TBATA: variants seen among roughly 807,000 people sequenced by gnomAD.
TBATA encodes the protein thymus, brain and testes associated.
A neutral mutation model predicts 38.7 loss-of-function variants in TBATA; 47 were observed. The observed-to-expected ratio is 1.21, with a 90% CI of 0.96 to 1.55. TBATA has a LOEUF of 1.55. TBATA is among the 40% of genes most tolerant of loss of function. The probability of loss-of-function intolerance (pLI) is 0.00; values close to 1 mark genes in which losing one functional copy is unlikely to be tolerated. For synonymous variants in TBATA, 183 were observed against 170.5 expected (o/e 1.07, Z -0.57); for missense variants, 436 against 435.6 (o/e 1.00, Z -0.01).
chr10:70,780,397 C>T (rs1331906770), intron 4 of TBATA, among the ~76,000 whole-genome samples: 1 of 152,070 alleles, frequency 6.6e-6, no homozygotes, highest in Non-Finnish European at 1.5e-5. Context: ...CCTTTTGGTG[C>T]CAGGACTCCT....
chr10:70,777,557 C>A (rs1002453130), intron 6 of TBATA, among the ~76,000 whole-genome samples: 1 of 152,182 alleles, frequency 6.6e-6, no homozygotes, highest in South Asian at 2.1e-4. Flanking sequence ...CCGGCCCTCT[C>A]TCTGGCAGCT....
At chr10:70,783,632 A>T in intron 2 of TBATA, 107 bp from the exon 3 acceptor site, 1 of 443,690 alleles carries the variant, frequency 2.3e-6, no homozygotes, top group Non-Finnish European at 4.2e-6. Flanking sequence ...GATGTACAAC[A>T]GGGGCTACTT....
rs371816122 is a variant in TBATA at position 70,775,182 on chromosome 10, T to C, written c.775+7A>G. ...ACTGAGACAGTGCTGCGGGGCTGTG[T>C]CCTCACCCTTGGGCGGAGCGTAGAG... On this transcript the variant is annotated splice_region_variant and intron_variant, in intron 8 of 10. Coordinates refer to ENST00000456372, the MANE Select transcript of TBATA (RefSeq NM_001318241.2). The C allele has an allele frequency of 1.8e-4, 294 of 1,612,020 alleles. No homozygotes were observed. Among genetic ancestry groups the C allele is most frequent in the Non-Finnish European group, 2.4e-4 (283 of 1,178,356 alleles).
intron 3 of TBATA, chr10:70,782,729 A>G: frequency 1.2e-6 from 1 of 807,326 alleles, no homozygotes; most frequent in Non-Finnish European, 1.5e-6. Context: ...CTTCCTGAGG[A>G]CGCTATGCAT....
At chr10:70,785,098 C>T (rs902995122) in intron 1 of TBATA, among the ~76,000 whole-genome samples, 187 bp downstream of exon 1, 14 of 152,196 alleles carry the variant, frequency 9.2e-5, no homozygotes, top group Admixed American at 2.6e-4. Context: ...TTGTCCAGAG[C>T]GGGACAGGTG....
intron 10 of TBATA, among the ~76,000 whole-genome samples, chr10:70,771,796 A>C (rs1381181019): frequency 6.6e-6 from 1 of 151,862 alleles, no homozygotes; most frequent in Non-Finnish European, 1.5e-5. Flanking sequence ...GCCTGCTGCC[A>C]CCCCTGCCCC....
chr10:70,778,681 T>G, intron 5 of TBATA, 45 bp from the exon 6 acceptor site: 4 of 1,543,694 alleles, frequency 2.6e-6, no homozygotes, highest in South Asian at 1.1e-5. Flanking sequence ...TCAGGGGCCC[T>G]CCTCCCCTCC....
intron 7 of TBATA, 134 bp from the exon 8 acceptor site, chr10:70,775,404 TC>T: frequency 1.5e-6 from 1 of 675,844 alleles, no homozygotes. Context: ...CTAAACGTGT[TC>T]CCACAAGGGT....
At chr10:70,775,071 C>CGTGG (rs1843211569) in intron 8 of TBATA, 118 bp downstream of exon 8, 4 of 910,454 alleles carry the variant, frequency 4.4e-6, no homozygotes, top group Non-Finnish European at 5.1e-6. Context: ...GAGAGGCCTC[C>CGTGG]ATGGAAGGCC....
intron 9 of TBATA, among the ~76,000 whole-genome samples, chr10:70,773,532 C>T (rs1026563760): frequency 3.9e-5 from 6 of 152,064 alleles, no homozygotes; most frequent in Admixed American, 2.6e-4. Context: ...AACAAGCTCC[C>T]GGGGAGAATC....
intron 5 of TBATA, 162 bp from the exon 6 acceptor site, chr10:70,778,798 A>T: frequency 6.1e-6 from 4 of 660,650 alleles, no homozygotes; most frequent in Non-Finnish European, 5.5e-6. Flanking sequence ...AAGGATCTGG[A>T]TTCACACCAT....
rs967876759 is a variant in TBATA at position 70,782,731 on chromosome 10, G to A, written c.41+608C>T. 3.9e-6 allele frequency: 3 copies of A among 778,046 alleles called. No individual in the cohort carries two copies. The Admixed American group carries it at 1.9e-4, about 49-fold the overall frequency. The allele number at this position is 778,046 out of a possible 1,614,324, so 48.2% of individuals were successfully genotyped here. A position where few individuals can be genotyped will look rare whatever the true frequency, so the allele number is the denominator to read the frequency against. ...CCACACCCCTCCCCTTCCTGAGGACGCTATGCATCTGCCCTTGGAGGAAGG... is the reference window on the plus strand; with the variant it reads ...CCACACCCCTCCCCTTCCTGAGGACACTATGCATCTGCCCTTGGAGGAAGG... On this transcript the variant is annotated intron_variant, in intron 3 of 10. Coordinates refer to ENST00000456372, the MANE Select transcript of TBATA (RefSeq NM_001318241.2).
chr10:70,781,748 A>T (rs750853019), intron 4 of TBATA, 53 bp downstream of exon 4: 18 of 1,524,280 alleles, frequency 1.2e-5, no homozygotes, highest in Non-Finnish European at 1.6e-5. Flanking sequence ...CCCAGTTCTC[A>T]AGACCAATTA....
At chr10:70,774,435 C>T in intron 8 of TBATA, 78 bp from the exon 9 acceptor site, 6 of 1,425,540 alleles carry the variant, frequency 4.2e-6, no homozygotes, top group Non-Finnish European at 5.7e-6. Flanking sequence ...GAAGCAGGGC[C>T]TCCATCCAGG....
chr10:70,772,878 C>G (rs568243678), intron 9 of TBATA, among the ~76,000 whole-genome samples: 6 of 152,216 alleles, frequency 3.9e-5, no homozygotes, highest in African/African-American at 1.4e-4. Context: ...CAGCCCTCCC[C>G]CTAGCCCTGA....
intron 7 of TBATA, among the ~76,000 whole-genome samples, 198 bp downstream of exon 7, chr10:70,776,955 A>G (rs773463883): frequency 1.4e-4 from 21 of 152,146 alleles, no homozygotes; most frequent in Non-Finnish European, 2.2e-4. Context: ...ACTAGGGCCC[A>G]GGGAGGGGAA....
At chr10:70,772,650 G>T in intron 9 of TBATA, 84 bp from the exon 10 acceptor site, 1 of 1,436,608 alleles carries the variant, frequency 7.0e-7, no homozygotes, top group Non-Finnish European at 9.8e-7. Flanking sequence ...GGGAGGTGGG[G>T]AAGGTGGTGC....
rs752753016 is a variant in TBATA, at chr10:70,779,659, C to G, written c.361G>C (p.Gly121Arg). Reference protein sequence around the residue: ...ESTVFSGCQMGIPTISVPIGD... With the variant: ...ESTVFSGCQMRIPTISVPIGD... ...ATGGGGACAGAGATGGTGGGTATCC[C>G]CATTTGACAGCCGGAAAAGACAGTT... The change falls in exon 5 of 11, where the codon GGG becomes CGG. Residue 121 changes from glycine to arginine, a missense_variant. Coordinates refer to ENST00000456372, the MANE Select transcript of TBATA (RefSeq NM_001318241.2). 3 of 1,533,524 alleles carry G rather than the reference C, an allele frequency of 2.0e-6. No homozygotes were observed. The highest frequency in any genetic ancestry group is 2.6e-6 in the Non-Finnish European group (3 of 1,150,472). The allele number at this position is 1,533,524 out of a possible 1,614,324, so 95.0% of individuals were successfully genotyped here.
Position 70,783,332 on chromosome 10 carries a change from G to T in TBATA, c.41+7C>A. 1 of 1,614,178 alleles carries T rather than the reference G, an allele frequency of 6.2e-7. No homozygotes were observed. The highest frequency in any genetic ancestry group is 8.5e-7 in the Non-Finnish European group (1 of 1,179,992). ...TCAGTCAGCAGGGTGGGCATTTGGA[G>T]CCTCACCTCATCAGTGGATAATCAG... On this transcript the variant is annotated splice_region_variant and intron_variant, in intron 3 of 10. Transcript: ENST00000456372.
Sources: allele counts gnomAD v4.1 joint callset (sites outside exome capture counted in the v4.1 genomes callset), GRCh38; gene constraint gnomAD v4.1.1; transcripts MANE v1.5; gene names NCBI Gene and HGNC (gene_info 2026-07-23, HGNC 2026-07-21).